VIL1: variants seen among roughly 807,000 people sequenced by gnomAD.
The protein encoded by VIL1 is villin-1.
VIL1 carries 86 observed loss-of-function variants against 104.0 expected under a neutral mutation model. The observed-to-expected ratio is 0.83, with a 90% CI of 0.69 to 0.99. The LOEUF is 0.99. Among genes scored for constraint, VIL1 ranks in the 50% least tolerant of loss-of-function variants. The pLI is 0.00. For missense variants in VIL1, 944 were observed against 1,054.1 expected, an observed-to-expected ratio of 0.90 and a Z score of 1.45; for synonymous variants, 394 against 412.6, an observed-to-expected ratio of 0.95 and a Z score of 0.55.
intron 12 of VIL1, chr2:218,432,435 G>A: frequency 1.4e-6 from 1 of 725,186 alleles, no homozygotes; most frequent in South Asian, 1.5e-5. Context: ...CTGCCCATGG[G>A]TTTTTGTGTC....
intron 4 of VIL1, 26 bp downstream of exon 4, chr2:218,425,837 G>A: frequency 6.3e-7 from 1 of 1,585,574 alleles, no homozygotes; most frequent in African/African-American, 1.3e-5. Context: ...TGCAGGCCGG[G>A]GGAATGAGGA....
intron 15 of VIL1, 102 bp downstream of exon 15, chr2:218,435,536 T>C (rs1689174235): frequency 6.9e-6 from 10 of 1,457,460 alleles, no homozygotes; most frequent in Non-Finnish European, 7.4e-6. Flanking sequence ...GACTGAGGAC[T>C]CTGTGTGTCA....
intron 9 of VIL1, 40 bp from the exon 10 acceptor site, chr2:218,430,685 G>A: frequency 6.5e-7 from 1 of 1,547,584 alleles, no homozygotes; most frequent in Non-Finnish European, 8.7e-7. Context: ...GTGGGGACTA[G>A]GGGAGGTGCA....
chr2:218,437,105 C>T lies in VIL1; in HGVS notation c.1972-19C>T. ...GGGAGGACAGGAAGGATGGACTGAT[C>T]CCCTGGGTTTCTCAATAGGTCTTCT... On this transcript the variant is annotated intron_variant, in intron 16 of 19. Coordinates refer to ENST00000248444, the MANE Select transcript of VIL1 (RefSeq NM_007127.3). The T allele has an allele frequency of 6.2e-7, 1 of 1,610,150 alleles. No homozygotes were observed. Among genetic ancestry groups the T allele is most frequent in the Non-Finnish European group, 8.5e-7 (1 of 1,176,824 alleles).
rs1574814224 is a variant in VIL1, at chr2:218,429,911, T to C, written c.912T>C (p.Asn304=). The C allele has an allele frequency of 6.3e-7, 1 of 1,588,582 alleles. No homozygotes were observed. The highest frequency in any genetic ancestry group is 8.5e-7 in the Non-Finnish European group (1 of 1,172,484). ...ACGTGTGGAAAGGGAAGAAAGCCAA[T>C]GAGCAGGAGAAGAAGGGAGCCATGA... ...KIYVWKGKKA[N]EQEKKGAMSH... is the part of the protein sequence containing the mutation. The change falls in exon 9 of 20, where the codon AAT becomes AAC. Residue 304 remains asparagine (N), a synonymous_variant. Coordinates refer to ENST00000248444, the MANE Select transcript of VIL1 (RefSeq NM_007127.3).
Position 218,428,295 on chromosome 2 carries a change from C to A in VIL1, c.525C>A (p.Ile175=). 6.2e-7 allele frequency: 1 copy of A among 1,614,184 alleles called. No homozygotes were observed. The highest frequency in any genetic ancestry group is 1.1e-5 in the South Asian group (1 of 91,082). ...TCCTGGACCTTGGGAAGCTTATCAT[C>A]CAGTGGAATGGACCGGAAAGCACCC... ...VFLLDLGKLI[I]QWNGPESTRM... The change falls in exon 6 of 20, where the codon ATC becomes ATA. Residue 175 remains isoleucine, a synonymous_variant. Coordinates refer to ENST00000248444, the MANE Select transcript of VIL1 (RefSeq NM_007127.3).
At chr2:218,435,108 TCTG>T (rs2106394301) in intron 14 of VIL1, among the ~76,000 whole-genome samples, 178 bp from the exon 15 acceptor site, 1 of 152,322 alleles carries the variant, frequency 6.6e-6, no homozygotes, top group East Asian at 1.9e-4. Flanking sequence ...TCTAGTTTCT[TCTG>T]CTATTCTTTG....
At chr2:218,438,848 C>T in intron 18 of VIL1, 122 bp downstream of exon 18, 1 of 740,764 alleles carries the variant, frequency 1.3e-6, no homozygotes, top group Admixed American at 2.7e-5. Context: ...TTCTCCCCCA[C>T]TTCTCATTCT....
rs770457957 is a variant in VIL1 at position 218,430,810 on chromosome 2, T to C, written c.1034T>C (p.Leu345Pro). The C allele has an allele frequency of 1.2e-6, 2 of 1,613,892 alleles. No homozygotes were observed. Among genetic ancestry groups the C allele is most frequent in the Admixed American group, 3.3e-5 (2 of 59,970 alleles). ...GCTGAGTCGGCCGTCTTTCAGCAGC[T>C]CTTCCAGAAGTGGACAGCGTCCAAC... ...DGAESAVFQQLFQKWTASNRT... is the reference protein window; with the variant it reads ...DGAESAVFQQPFQKWTASNRT... The change falls in exon 10 of 20, where the codon CTC becomes CCC. Residue 345 changes from leucine to proline, a missense_variant. Transcript: ENST00000248444.
intron 18 of VIL1, 121 bp from the exon 19 acceptor site, chr2:218,440,601 G>A (rs1035322088): frequency 8.5e-7 from 1 of 1,171,012 alleles, no homozygotes; most frequent in African/African-American, 1.5e-5. Flanking sequence ...TGTGTGGCAG[G>A]GTGGGGTGGG....
chr2:218,424,759 C>T (rs1278033725), intron 3 of VIL1, among the ~76,000 whole-genome samples: 10 of 152,050 alleles, frequency 6.6e-5, no homozygotes, highest in African/African-American at 9.7e-5. Context: ...CGGGTTCAAG[C>T]GATTCTCCTG....
Position 218,449,407 on chromosome 2 carries a change from T to C in VIL1, c.*71T>C, listed in dbSNP as rs921769507. ...GGTCTCATTTTCTCACCGATATTAG[T>C]CCTACACCAATTGAAGTGAAATTTT... On this transcript the variant is annotated 3_prime_UTR_variant, in exon 20 of 20. Coordinates refer to ENST00000248444, the MANE Select transcript of VIL1 (RefSeq NM_007127.3). 6.2e-6 allele frequency: 8 copies of C among 1,280,084 alleles called. No homozygotes were observed. The highest frequency in any genetic ancestry group is 9.1e-6 in the Non-Finnish European group (8 of 883,266). 79.3% of individuals were successfully genotyped at this position (1,280,084 alleles called of 1,614,324 possible).
At chr2:218,427,700 C>T (rs935266918) in intron 4 of VIL1, among the ~76,000 whole-genome samples, 1 of 152,132 alleles carries the variant, frequency 6.6e-6, no homozygotes, top group Admixed American at 6.6e-5. Context: ...GGGACTAGGG[C>T]AAGACGAGTG....
chr2:218,423,850 C>A lies in VIL1; in HGVS notation c.72C>A (p.Ile24=). Residue 24 remains isoleucine, a synonymous_variant, in exon 2 of 20, where the codon ATC becomes ATA. Transcript: ENST00000248444. ...CCCCGGGGCTGCAGATATGGAGGAT[C>A]GAGGTGAGGCCCTGTCTGGGCATGG... is the stretch of plus-strand genomic sequence containing the variant. ...ITTPGLQIWR[I]EAMQMVPVPS... The A allele has an allele frequency of 6.2e-7, 1 of 1,614,144 alleles. No individual in the cohort carries two copies. The highest frequency in any genetic ancestry group is 8.5e-7 in the Non-Finnish European group (1 of 1,180,008).
Position 218,437,326 on chromosome 2 carries a change from T to TC in VIL1, c.2160+17dup. ...TTCAAGTGGAGTGTGAGTGGCCTCA[T>TC]CCCAGCATGTCCTTCTCTAGCCCTG... On this transcript the variant is annotated intron_variant, in intron 17 of 19. Transcript: ENST00000248444. 6.2e-7 allele frequency: 1 copy of TC among 1,610,198 alleles called. No individual in the cohort carries two copies. The highest frequency in any genetic ancestry group is 8.5e-7 in the Non-Finnish European group (1 of 1,177,508).
chr2:218,427,932 C>T (rs1037789277), intron 4 of VIL1, 33 bp from the exon 5 acceptor site: 5 of 1,602,952 alleles, frequency 3.1e-6, no homozygotes, highest in Non-Finnish European at 4.3e-6. Context: ...CCTCCCAGCC[C>T]ACTTCCTTGG....
chr2:218,432,079 G>A lies in VIL1; in HGVS notation c.1237G>A (p.Val413Met), dbSNP rs1416185918. Residue 413 changes from valine (V) to methionine (M), a missense_variant, in exon 12 of 20, where the codon GTG becomes ATG. Transcript: ENST00000248444. ...WRIENLELVP[V>M]DSKWLGHFYG... ...CATTGAGAACCTAGAGCTGGTACCT[G>A]TGGATTCCAAGTGGCTAGGCCACTT... 1 of 1,614,128 alleles carries A rather than the reference G, an allele frequency of 6.2e-7. No individual in the cohort carries two copies. The highest frequency in any genetic ancestry group is 2.2e-5 in the East Asian group (1 of 44,868).
At chr2:218,449,160 C>T in intron 19 of VIL1, 63 bp from the exon 20 acceptor site, 2 of 1,233,756 alleles carry the variant, frequency 1.6e-6, no homozygotes, top group Non-Finnish European at 2.4e-6. Context: ...CAAACGGTGC[C>T]TGAGGGTGAG....
In VIL1 at chr2:218,432,957, G is replaced by C; in HGVS notation, c.1500+6G>C. ...GACGCATGGTGGTCTACCAGGTGTG[G>C]CTGCTGAACTGAGGTGTCTGGCAGT... is the stretch of plus-strand genomic sequence containing the variant. On this transcript the variant is annotated splice_donor_region_variant and intron_variant, in intron 13 of 19. Transcript: ENST00000248444. 8 of 1,614,098 alleles carry C rather than the reference G, an allele frequency of 5.0e-6. No individual in the cohort carries two copies. Among genetic ancestry groups the C allele is most frequent in the Non-Finnish European group, 5.1e-6 (6 of 1,180,024 alleles).
Sources: allele counts gnomAD v4.1 joint callset (sites outside exome capture counted in the v4.1 genomes callset), GRCh38; gene constraint gnomAD v4.1.1; transcripts MANE v1.5; gene names NCBI Gene and HGNC (gene_info 2026-07-23, HGNC 2026-07-21).